The following HFM1 variants were observed in gnomAD, a reference collection of about 807,000 sequenced individuals.
HFM1 encodes helicase for meiosis 1, also known as probable ATP-dependent DNA helicase HFM1.
In HFM1, 169 loss-of-function variants were observed where a neutral mutation model predicts 192.1. The ratio of observed to expected loss-of-function variants is 0.88; its 90% CI spans 0.78 to 1.00. The LOEUF is 1.00. HFM1 is among the 50% of genes least tolerant of loss of function. The pLI is 0.00. For missense variants in HFM1, 1,661 were observed against 1,668.0 expected, an observed-to-expected ratio of 1.00 and a Z score of 0.07; for synonymous variants, 525 against 537.8, an observed-to-expected ratio of 0.98 and a Z score of 0.33.
At chr1:91,343,230 CA>C (rs34902756) in intron 20 of HFM1, among the ~76,000 whole-genome samples, 199 bp downstream of exon 20, 72 of 74,866 alleles carry the variant, frequency 9.6e-4, no homozygotes, top group African/African-American at 3.8e-3. Context: ...GACTCTGTCT[CA>C]AAAAAAAAAA....
At chr1:91,287,729 C>A (rs1364623848) in intron 30 of HFM1, among the ~76,000 whole-genome samples, 4 of 151,536 alleles carry the variant, frequency 2.6e-5, no homozygotes, top group African/African-American at 9.7e-5. Flanking sequence ...TACGGGAGGA[C>A]ATTCAAACCA....
intron 6 of HFM1, among the ~76,000 whole-genome samples, 154 bp downstream of exon 6, chr1:91,385,033 G>A (rs758936474): frequency 3.7e-4 from 56 of 151,898 alleles, no homozygotes; most frequent in Non-Finnish European, 6.9e-4. Flanking sequence ...GTGAACCACC[G>A]CACCCGGCCA....
At chr1:91,364,542 C>T (rs1571114589) in intron 13 of HFM1, among the ~76,000 whole-genome samples, 1 of 146,272 alleles carries the variant, frequency 6.8e-6, no homozygotes, top group East Asian at 2.0e-4. Flanking sequence ...GCCTAAAGGT[C>T]TGTTGATGAA....
chr1:91,263,110 G>T (rs564266469), intron 36 of HFM1, among the ~76,000 whole-genome samples: 2 of 152,084 alleles, frequency 1.3e-5, no homozygotes, highest in East Asian at 3.9e-4. Flanking sequence ...TAAAGAAAAC[G>T]TCAGGGAGTT....
intron 27 of HFM1, 35 bp from the exon 28 acceptor site, chr1:91,316,007 A>G: frequency 6.5e-7 from 1 of 1,530,930 alleles, no homozygotes. Context: ...AGTGTTAAAA[A>G]TAACCTTACT....
chr1:91,405,275 A>G (rs1317275687), upstream of HFM1, among the ~76,000 whole-genome samples: 1 of 152,226 alleles, frequency 6.6e-6, no homozygotes, highest in Non-Finnish European at 1.5e-5. Flanking sequence ...TAAATATTCT[A>G]AAACACAATG....
chr1:91,286,999 C>G (rs1346876335), intron 30 of HFM1, among the ~76,000 whole-genome samples: 3 of 152,118 alleles, frequency 2.0e-5, no homozygotes, highest in African/African-American at 7.2e-5. Context: ...GCACCTGGCT[C>G]AGAGGGTCCT....
intron 34 of HFM1, among the ~76,000 whole-genome samples, chr1:91,269,458 ACT>A (rs1313348844): frequency 6.6e-6 from 1 of 152,166 alleles, no homozygotes; most frequent in Non-Finnish European, 1.5e-5. Context: ...CCAGCATATC[ACT>A]GAGTTTCCTC....
upstream of HFM1, among the ~76,000 whole-genome samples, chr1:91,406,047 G>C (rs1225417741): frequency 3.3e-5 from 5 of 152,198 alleles, no homozygotes; most frequent in Non-Finnish European, 7.3e-5. Flanking sequence ...ACTTTTGTGA[G>C]GTAATTAACT....
chr1:91,401,407 A>T (rs1038191532), intron 1 of HFM1, among the ~76,000 whole-genome samples: 31 of 152,342 alleles, frequency 2.0e-4, no homozygotes, highest in Non-Finnish European at 3.8e-4. Context: ...GTTATAGGTC[A>T]AATGTCATTT....
chr1:91,391,237 A>G (rs569299689), intron 4 of HFM1, among the ~76,000 whole-genome samples: 8 of 152,350 alleles, frequency 5.3e-5, no homozygotes, highest in African/African-American at 1.9e-4. Flanking sequence ...TCTTCACAGA[A>G]TTGGAAAAAA....
chr1:91,288,366 CTTTTTTTTTTTT>C (rs35536576), intron 30 of HFM1, among the ~76,000 whole-genome samples: 1 of 134,330 alleles, frequency 7.4e-6, no homozygotes, highest in Non-Finnish European at 1.6e-5. Context: ...ATTCAACATT[CTTTTTTTTTTTT>C]TTTTTTTTTT....
intron 30 of HFM1, among the ~76,000 whole-genome samples, chr1:91,287,823 C>A (rs974231872): frequency 1.4e-4 from 22 of 151,872 alleles, no homozygotes; most frequent in African/African-American, 4.8e-4. Flanking sequence ...CTTAAAGGAG[C>A]TGATGGAGCT....
At chr1:91,356,017 AAATCATATGTAGTATCATTTCTGACCAC>A (rs1294838141) in intron 13 of HFM1, among the ~76,000 whole-genome samples, 3 of 152,200 alleles carry the variant, frequency 2.0e-5, no homozygotes, top group African/African-American at 4.8e-5. Flanking sequence ...AAGACGATTG[AAATCATATGTAGTATCATTTCTGACCAC>A]AACAATATGA....
At chr1:91,353,895 G>T (rs1232681212) in intron 13 of HFM1, among the ~76,000 whole-genome samples, 30 of 143,232 alleles carry the variant, frequency 2.1e-4, no homozygotes, top group Admixed American at 7.2e-5. Context: ...TAGTTGTGCA[G>T]ACATCAATAG....
intron 20 of HFM1, among the ~76,000 whole-genome samples, chr1:91,330,095 C>T (rs1335886955): frequency 1.3e-5 from 2 of 152,052 alleles, no homozygotes; most frequent in Non-Finnish European, 1.5e-5. Context: ...GGCAGACACT[C>T]GAACTTGCTA....
At chr1:91,354,889 C>T (rs76483455) in intron 13 of HFM1, among the ~76,000 whole-genome samples, 15,061 of 152,078 alleles carry the variant, frequency 0.099, 792 homozygotes, top group East Asian at 0.16. Flanking sequence ...ATCATGAAAA[C>T]ATATGAAAGC....
intron 4 of HFM1, among the ~76,000 whole-genome samples, chr1:91,392,468 C>G (rs1663123980): frequency 6.6e-6 from 1 of 152,050 alleles, no homozygotes; most frequent in Non-Finnish European, 1.5e-5. Flanking sequence ...AATCTGGAAA[C>G]CATCATTCTG....
At chr1:91,262,821 T>C (rs1172929881) in intron 36 of HFM1, among the ~76,000 whole-genome samples, 2 of 152,164 alleles carry the variant, frequency 1.3e-5, no homozygotes, top group Non-Finnish European at 1.5e-5. Flanking sequence ...TAAGGGACTA[T>C]AGAAATAATT....
Sources: gnomAD v4.1 joint callset for allele counts (sites outside exome capture counted in the v4.1 genomes callset) on GRCh38, gnomAD v4.1.1 for gene constraint, MANE v1.5 for transcripts, NCBI Gene and HGNC (gene_info 2026-07-23, HGNC 2026-07-21) for gene names.